The following MAP3K20 variants were observed in gnomAD, a reference collection of about 807,000 sequenced individuals.
MAP3K20 encodes the protein mitogen-activated protein kinase kinase kinase 20.
MAP3K20 carries 40 observed loss-of-function variants against 85.7 expected under a neutral mutation model. The ratio of observed to expected loss-of-function variants is 0.47; its 90% CI spans 0.36 to 0.61. MAP3K20 has a LOEUF of 0.61. Among genes scored for constraint, MAP3K20 ranks in the 20% least tolerant of loss-of-function variants. MAP3K20 has a pLI of 0.00. For missense variants in MAP3K20, 817 were observed against 961.7 expected (o/e 0.85, Z 1.99); for synonymous variants, 325 against 327.7 (o/e 0.99, Z 0.09).
intron 2 of MAP3K20, among the ~76,000 whole-genome samples, chr2:173,159,523 G>A (rs1689585651): frequency 6.6e-6 from 1 of 151,788 alleles, no homozygotes; most frequent in African/African-American, 2.4e-5. Context: ...CTGAGTAGCT[G>A]GGACTACAGG....
intron 1 of MAP3K20, among the ~76,000 whole-genome samples, chr2:173,081,430 C>G (rs1036603039): frequency 6.6e-6 from 1 of 152,082 alleles, no homozygotes; most frequent in East Asian, 1.9e-4. Flanking sequence ...AATAAGCACA[C>G]GAGGAACATG....
At chr2:173,118,808 C>G (rs530550027) in intron 2 of MAP3K20, among the ~76,000 whole-genome samples, 2 of 152,026 alleles carry the variant, frequency 1.3e-5, no homozygotes, top group East Asian at 3.9e-4. Context: ...TTCTTTCACT[C>G]GAGAAATTAC....
At chr2:173,116,316 G>A (rs1004056339) in intron 2 of MAP3K20, among the ~76,000 whole-genome samples, 1 of 152,116 alleles carries the variant, frequency 6.6e-6, no homozygotes, top group South Asian at 2.1e-4. Context: ...CAATTTTCAA[G>A]TATACAATAT....
intron 11 of MAP3K20, among the ~76,000 whole-genome samples, chr2:173,228,242 C>T (rs1684438378): frequency 1.3e-5 from 2 of 152,108 alleles, no homozygotes; most frequent in African/African-American, 2.4e-5. Context: ...CTTGCCTTCC[C>T]ACCCTGTCTG....
chr2:173,214,969 T>C (rs1210343135), intron 10 of MAP3K20, among the ~76,000 whole-genome samples: 1 of 152,214 alleles, frequency 6.6e-6, no homozygotes, highest in Non-Finnish European at 1.5e-5. Flanking sequence ...GTTGGAAAGC[T>C]GAGCCTGAGA....
At chr2:173,107,574 C>T (rs186207135) in intron 2 of MAP3K20, among the ~76,000 whole-genome samples, 4 of 152,302 alleles carry the variant, frequency 2.6e-5, no homozygotes, top group African/African-American at 7.2e-5. Context: ...TAAATAACAT[C>T]TTCTGCCTTG....
Position 173,239,430 on chromosome 2 carries a change from T to C in MAP3K20, c.1293T>C (p.Asn431=). Residue 431 remains asparagine (N), a synonymous_variant, in exon 16 of 20, where the codon AAT becomes AAC. Transcript: ENST00000375213. ...IKDSGGEPEE[N]EEKIVNLELV... is the part of the protein sequence containing the mutation. Reference sequence around the variant, plus strand: ...ACTCAGGAGGTGAACCTGAAGAAAATGAGGAAAAAATAGTGAACCTGGAAC... The same window carrying C: ...ACTCAGGAGGTGAACCTGAAGAAAACGAGGAAAAAATAGTGAACCTGGAAC... The C allele has an allele frequency of 2.5e-6, 4 of 1,613,186 alleles. No homozygotes were observed. The highest frequency in any genetic ancestry group is 3.4e-6 in the Non-Finnish European group (4 of 1,179,814).
intron 7 of MAP3K20, among the ~76,000 whole-genome samples, chr2:173,192,221 G>A (rs1245461960): frequency 6.6e-6 from 1 of 152,132 alleles, no homozygotes; most frequent in Admixed American, 6.5e-5. Context: ...CTTACTGCAG[G>A]TGGTAGCCAA....
intron 2 of MAP3K20, among the ~76,000 whole-genome samples, chr2:173,155,028 A>G (rs1267599076): frequency 6.6e-6 from 1 of 152,166 alleles, no homozygotes; most frequent in Non-Finnish European, 1.5e-5. Flanking sequence ...GAGAGATGAA[A>G]AACATTTTCT....
At chr2:173,083,607 T>TA (rs1439984446) in intron 1 of MAP3K20, among the ~76,000 whole-genome samples, 2 of 152,170 alleles carry the variant, frequency 1.3e-5, no homozygotes, top group African/African-American at 4.8e-5. Context: ...ACCTTGGTGT[T>TA]ACGGACAAAT....
chr2:173,260,024 G>A (rs527753898), intron 17 of MAP3K20, among the ~76,000 whole-genome samples: 7 of 151,966 alleles, frequency 4.6e-5, no homozygotes, highest in East Asian at 2.0e-4. Context: ...AACATCAACC[G>A]AAACAATAAT....
chr2:173,162,117 T>C (rs929699352), intron 2 of MAP3K20, among the ~76,000 whole-genome samples: 1 of 104,486 alleles, frequency 9.6e-6, no homozygotes, highest in Admixed American at 1.4e-4. Flanking sequence ...CACTTAGAAA[T>C]AGATGACCAC....
intron 2 of MAP3K20, among the ~76,000 whole-genome samples, chr2:173,109,847 C>T (rs1268133404): frequency 1.3e-5 from 2 of 152,144 alleles, no homozygotes; most frequent in African/African-American, 4.8e-5. Context: ...GAATTGTCTA[C>T]AATCATAAAA....
At chr2:173,216,509 T>G in intron 10 of MAP3K20, among the ~76,000 whole-genome samples, 1 of 78,914 alleles carries the variant, frequency 1.3e-5, no homozygotes, top group East Asian at 3.1e-4. Context: ...GGTTCTGGTG[T>G]GTTTTTTTTT....
chr2:173,120,559 A>G (rs1402336824), intron 2 of MAP3K20, among the ~76,000 whole-genome samples: 1 of 151,810 alleles, frequency 6.6e-6, no homozygotes, highest in Non-Finnish European at 1.5e-5. Context: ...AATAATTATT[A>G]TGTCCCCACA....
intron 11 of MAP3K20, among the ~76,000 whole-genome samples, chr2:173,219,929 G>A (rs1307728959): frequency 1.1e-4 from 17 of 152,114 alleles, no homozygotes; most frequent in South Asian, 2.1e-4. Context: ...TTAGCTGGGC[G>A]TGGTGGCGGG....
chr2:173,172,672 C>A (rs1690032891), intron 3 of MAP3K20, among the ~76,000 whole-genome samples: 1 of 152,152 alleles, frequency 6.6e-6, no homozygotes, highest in Admixed American at 6.5e-5. Flanking sequence ...TAAGAGGTAG[C>A]TGCCAATTTA....
At position 173,266,942 on chromosome 2, in the gene MAP3K20, G is replaced by A; in HGVS notation, c.*192G>A. The A allele has an allele frequency of 2.1e-6, 1 of 468,454 alleles. No homozygotes were observed. Among genetic ancestry groups the A allele is most frequent in the East Asian group, 3.3e-5 (1 of 30,098 alleles). 29.0% of individuals were successfully genotyped at this position (468,454 alleles called of 1,614,324 possible). A position where few individuals can be genotyped will look rare whatever the true frequency, so the allele number is the denominator to read the frequency against. ...CAAAATTATGGATATTGGTCACCCA[G>A]TGATCATAACTAGGCTTGAAAATCA... On this transcript the variant is annotated 3_prime_UTR_variant, in exon 20 of 20. Coordinates refer to ENST00000375213, the MANE Select transcript of MAP3K20 (RefSeq NM_016653.3).
chr2:173,185,040 A>C (rs1025694889), intron 4 of MAP3K20, among the ~76,000 whole-genome samples: 3 of 152,178 alleles, frequency 2.0e-5, no homozygotes, highest in Admixed American at 6.5e-5. Context: ...CCAGGAGTTC[A>C]AAACCAGCCT....
Sources: allele counts gnomAD v4.1 joint callset (sites outside exome capture counted in the v4.1 genomes callset), GRCh38; gene constraint gnomAD v4.1.1; transcripts MANE v1.5; gene names NCBI Gene and HGNC (gene_info 2026-07-23, HGNC 2026-07-21).